NHS: variants seen among roughly 807,000 people sequenced by gnomAD.
NHS encodes the protein actin remodeling regulator NHS.
A neutral mutation model predicts 72.5 loss-of-function variants in NHS; 5 were observed. The observed-to-expected ratio is 0.07, with a 90% CI of 0.04 to 0.14. NHS has a LOEUF of 0.14. Ranked by LOEUF, NHS falls within the 10% of genes least tolerant of loss-of-function variation. The pLI, the probability that NHS is intolerant of heterozygous loss-of-function variation, is 1.00. For synonymous variants in NHS, 464 were observed against 547.7 expected (o/e 0.85, Z 2.13); for missense variants, 1,072 against 1,355.7 (o/e 0.79, Z 3.29).
chrX:17,472,340 A>C (rs1377911807), intron 1 of NHS, among the ~76,000 whole-genome samples: 1 of 110,865 alleles, frequency 9.0e-6, no homozygotes, highest in Non-Finnish European at 1.9e-5. Context: ...AGAGAGAGAC[A>C]GAGACAGAGA....
At chrX:17,378,834 A>G (rs1054511193) in intron 1 of NHS, among the ~76,000 whole-genome samples, 12 of 111,886 alleles carry the variant, frequency 1.1e-4, no homozygotes, top group African/African-American at 2.6e-4. Flanking sequence ...CATGAACTCC[A>G]TGGCTTCTGG....
chrX:17,449,471 A>G (rs2064796607), intron 1 of NHS, among the ~76,000 whole-genome samples: 1 of 112,705 alleles, frequency 8.9e-6, no homozygotes, highest in African/African-American at 3.2e-5. Flanking sequence ...AAGAGTGATT[A>G]TCTTGGGAGA....
intron 1 of NHS, among the ~76,000 whole-genome samples, chrX:17,569,075 T>C (rs866485150): frequency 2.7e-5 from 3 of 111,817 alleles, no homozygotes; most frequent in Admixed American, 9.5e-5. Flanking sequence ...TTGATGGAAA[T>C]TTGGGTTGGT....
chrX:17,603,480 A>T (rs1438829666), intron 1 of NHS, among the ~76,000 whole-genome samples: 1 of 111,971 alleles, frequency 8.9e-6, no homozygotes, highest in Non-Finnish European at 1.9e-5. Flanking sequence ...AACCATTTCA[A>T]ATCTCTCTCC....
At chrX:17,714,662 T>C (rs1188940894) in intron 3 of NHS, among the ~76,000 whole-genome samples, 1 of 112,483 alleles carries the variant, frequency 8.9e-6, no homozygotes, top group African/African-American at 3.2e-5. Context: ...TTGAGCGCTA[T>C]TGAGGCAGTA....
intron 1 of NHS, among the ~76,000 whole-genome samples, chrX:17,540,036 T>C (rs1206442438): frequency 1.8e-5 from 2 of 111,862 alleles, no homozygotes; most frequent in East Asian, 5.6e-4. Flanking sequence ...AATATTGGAG[T>C]TATTTGTTGC....
At chrX:17,593,695 C>T (rs1285154326) in intron 1 of NHS, among the ~76,000 whole-genome samples, 2 of 111,833 alleles carry the variant, frequency 1.8e-5, no homozygotes. Context: ...CCCTGGATTC[C>T]CAAAGGTAGA....
chrX:17,421,868 C>T (rs948735220), intron 1 of NHS, among the ~76,000 whole-genome samples: 1 of 112,137 alleles, frequency 8.9e-6, no homozygotes. Flanking sequence ...TGAGCCACCG[C>T]GCCCGGCCTC....
intron 1 of NHS, among the ~76,000 whole-genome samples, chrX:17,603,644 A>G (rs754616777): frequency 8.0e-5 from 9 of 112,228 alleles, no homozygotes; most frequent in African/African-American, 1.3e-4. Context: ...GGTTCAAACA[A>G]AGAACATAAT....
At chrX:17,559,973 G>C (rs778002759) in intron 1 of NHS, among the ~76,000 whole-genome samples, 1 of 110,804 alleles carries the variant, frequency 9.0e-6, no homozygotes, top group Non-Finnish European at 1.9e-5. Context: ...CTTTACCCTG[G>C]AATCCTTGTA....
intron 3 of NHS, among the ~76,000 whole-genome samples, chrX:17,702,794 T>A (rs2066273399): frequency 8.9e-6 from 1 of 112,179 alleles, no homozygotes; most frequent in African/African-American, 3.3e-5. Context: ...CAGATGACTA[T>A]CAGATAATTC....
At chrX:17,532,600 G>T (rs2065203841) in intron 1 of NHS, among the ~76,000 whole-genome samples, 1 of 111,750 alleles carries the variant, frequency 8.9e-6, no homozygotes, top group African/African-American at 3.3e-5. Flanking sequence ...ATGAGATATG[G>T]TCTATAGAAT....
chrX:17,445,999 A>G (rs1484262169), intron 1 of NHS, among the ~76,000 whole-genome samples: 1 of 110,522 alleles, frequency 9.0e-6, no homozygotes, highest in Non-Finnish European at 1.9e-5. Context: ...TCCTCTTCTC[A>G]TATTTGGACC....
Position 17,379,988 on chromosome X carries a change from G to A in NHS, c.565+3666G>A, listed in dbSNP as rs978735164. ...GGAGATGTGAATGTGAGACCTAAGCGTAGAGACAGTTTGTGAAGCCTTGGA... is the reference window on the plus strand; with the variant it reads ...GGAGATGTGAATGTGAGACCTAAGCATAGAGACAGTTTGTGAAGCCTTGGA... On this transcript the variant is annotated intron_variant, in intron 1 of 8. Transcript: ENST00000676302. Among the ~76,000 whole-genome samples, 5 of 111,662 alleles carry A rather than the reference G, an allele frequency of 4.5e-5. No homozygotes were observed. In the South Asian group the frequency reaches 1.5e-3, roughly 34 times the overall value.
intron 1 of NHS, among the ~76,000 whole-genome samples, chrX:17,550,819 A>G (rs1164531284): frequency 1.8e-5 from 2 of 111,975 alleles, no homozygotes; most frequent in East Asian, 5.6e-4. Flanking sequence ...CGACTCACTC[A>G]GGGTATGAGC....
At chrX:17,524,075 C>A (rs1395585688) in intron 1 of NHS, among the ~76,000 whole-genome samples, 1 of 112,120 alleles carries the variant, frequency 8.9e-6, no homozygotes, top group Non-Finnish European at 1.9e-5. Flanking sequence ...ATAGCAAGCT[C>A]CGCATTTGGT....
intron 1 of NHS, among the ~76,000 whole-genome samples, chrX:17,659,339 T>A (rs974267757): frequency 1.8e-5 from 2 of 112,376 alleles, no homozygotes; most frequent in African/African-American, 6.5e-5. Context: ...GATCTCCATC[T>A]TAAAAATGGT....
At chrX:17,580,428 C>T (rs1184119996) in intron 1 of NHS, among the ~76,000 whole-genome samples, 1 of 112,092 alleles carries the variant, frequency 8.9e-6, no homozygotes, top group African/African-American at 3.2e-5. Flanking sequence ...AGTCCCTTCC[C>T]TCTTTCTCTA....
intron 1 of NHS, among the ~76,000 whole-genome samples, chrX:17,463,217 C>T (rs1019879788): frequency 2.7e-5 from 3 of 111,194 alleles, no homozygotes; most frequent in Non-Finnish European, 3.8e-5. Flanking sequence ...AGGAAATTTC[C>T]GAAGAACTAG....
Sources: gnomAD v4.1 joint callset for allele counts (sites outside exome capture counted in the v4.1 genomes callset) on GRCh38, gnomAD v4.1.1 for gene constraint, MANE v1.5 for transcripts, NCBI Gene and HGNC (gene_info 2026-07-23, HGNC 2026-07-21) for gene names.